The following SPIDR variants were observed in gnomAD, a reference collection of about 807,000 sequenced individuals.
SPIDR encodes the protein DNA repair-scaffolding protein.
A neutral mutation model predicts 104.6 loss-of-function variants in SPIDR; 93 were observed. The observed-to-expected ratio is 0.89, with a 90% confidence interval of 0.75 to 1.06. The LOEUF (loss-of-function observed/expected upper bound fraction) is 1.06. Ranked by LOEUF, SPIDR falls within the 50% of genes least tolerant of loss-of-function variation. SPIDR has a pLI of 0.00. For missense variants in SPIDR, 1,154 were observed against 1,111.2 expected, an observed-to-expected ratio of 1.04 and a Z score of -0.55; for synonymous variants, 431 against 416.9, an observed-to-expected ratio of 1.03 and a Z score of -0.41.
At chr8:47,624,104 A>G (rs2065600609) in intron 10 of SPIDR, among the ~76,000 whole-genome samples, 1 of 152,212 alleles carries the variant, frequency 6.6e-6, no homozygotes, top group African/African-American at 2.4e-5. Context: ...GCTCAACTAC[A>G]TGGAAACTGA....
Position 47,270,743 on chromosome 8 carries a change from A to G in SPIDR, c.34-9119A>G, listed in dbSNP as rs1166292529. 2.6e-5 allele frequency among the ~76,000 whole-genome samples: 4 copies of G among 152,220 alleles called. No homozygotes were observed. In the East Asian group the frequency reaches 7.7e-4, roughly 29 times the overall value. ...AGTAAGTACTGCTTTAGCTGCATCT[A>G]TAGGTTTTAGTGTATATTGTTTTCA... On this transcript the variant is annotated intron_variant, in intron 1 of 19. Coordinates refer to ENST00000297423, the MANE Select transcript of SPIDR (RefSeq NM_001080394.4).
intron 10 of SPIDR, among the ~76,000 whole-genome samples, chr8:47,647,647 A>AGAGC (rs2070728368): frequency 6.9e-6 from 1 of 144,658 alleles, no homozygotes; most frequent in Non-Finnish European, 1.5e-5. Flanking sequence ...AGAGAGAGAG[A>AGAGC]GAGAGAGGGA....
intron 3 of SPIDR, among the ~76,000 whole-genome samples, chr8:47,285,976 A>C (rs2038769297): frequency 6.6e-6 from 1 of 152,172 alleles, no homozygotes; most frequent in Non-Finnish European, 1.5e-5. Context: ...TCTTTACAGC[A>C]AGTGAAATGA....
At chr8:47,393,428 G>A (rs1307945053) in intron 5 of SPIDR, among the ~76,000 whole-genome samples, 3 of 152,016 alleles carry the variant, frequency 2.0e-5, no homozygotes, top group Non-Finnish European at 4.4e-5. Context: ...AATGTTGTTC[G>A]AATGGTCAAT....
intron 5 of SPIDR, among the ~76,000 whole-genome samples, chr8:47,311,272 AAG>A (rs1202850710): frequency 6.6e-6 from 1 of 152,190 alleles, no homozygotes; most frequent in African/African-American, 2.4e-5. Flanking sequence ...AAAAGTGAAA[AAG>A]AGATTTCAAA....
At chr8:47,697,307 G>T (rs1355760586) in intron 11 of SPIDR, among the ~76,000 whole-genome samples, 1 of 150,670 alleles carries the variant, frequency 6.6e-6, no homozygotes. Context: ...AAAGAAAAAA[G>T]ATAAAAACAA....
At chr8:47,321,696 A>G (rs975420635) in intron 5 of SPIDR, among the ~76,000 whole-genome samples, 19 of 152,304 alleles carry the variant, frequency 1.2e-4, no homozygotes, top group African/African-American at 4.6e-4. Flanking sequence ...TTCAAACTAT[A>G]CTACAAGGCT....
intron 17 of SPIDR, 175 bp from the exon 18 acceptor site, chr8:47,728,758 C>T: frequency 1.6e-6 from 1 of 642,068 alleles, no homozygotes; most frequent in Non-Finnish European, 2.6e-6. Flanking sequence ...AATGTTCATC[C>T]CTTGGACAGG....
chr8:47,404,414 A>G (rs554924038), intron 6 of SPIDR, among the ~76,000 whole-genome samples: 45 of 152,354 alleles, frequency 3.0e-4, no homozygotes, highest in Non-Finnish European at 2.8e-4. Flanking sequence ...TGAACAGGCA[A>G]CCTACAAAAT....
intron 8 of SPIDR, among the ~76,000 whole-genome samples, chr8:47,542,475 C>A (rs1265194318): frequency 2.0e-5 from 3 of 152,042 alleles, no homozygotes; most frequent in African/African-American, 7.2e-5. Context: ...GAATACCTGT[C>A]CCACTGGTTT....
chr8:47,534,770 C>G (rs2086626014), intron 8 of SPIDR, among the ~76,000 whole-genome samples: 1 of 151,546 alleles, frequency 6.6e-6, no homozygotes, highest in African/African-American at 2.4e-5. Context: ...CATGTACTCT[C>G]AAACCTAAAA....
chr8:47,541,924 C>T (rs1410678656), intron 8 of SPIDR, among the ~76,000 whole-genome samples: 1 of 152,080 alleles, frequency 6.6e-6, no homozygotes, highest in Admixed American at 6.6e-5. Context: ...GAATGAGACT[C>T]CATCTCAGAA....
intron 10 of SPIDR, among the ~76,000 whole-genome samples, chr8:47,614,441 C>T (rs1203148116): frequency 1.3e-5 from 2 of 152,100 alleles, no homozygotes; most frequent in African/African-American, 4.8e-5. Flanking sequence ...CCAGGATGGT[C>T]TTGATCTCCT....
At chr8:47,577,580 C>T (rs758870392) in intron 8 of SPIDR, among the ~76,000 whole-genome samples, 59 of 152,276 alleles carry the variant, frequency 3.9e-4, no homozygotes, top group Middle Eastern at 6.8e-3. Flanking sequence ...ATACAGTATT[C>T]GCAGGCATCC....
chr8:47,545,556 A>G (rs546604774), intron 8 of SPIDR, among the ~76,000 whole-genome samples: 64 of 152,204 alleles, frequency 4.2e-4, no homozygotes, highest in East Asian at 1.9e-4. Context: ...TAACTTCTCC[A>G]TAGGCAATCA....
At chr8:47,729,673 AT>A (rs2084888451) in intron 19 of SPIDR, 1 of 575,178 alleles carries the variant, frequency 1.7e-6, no homozygotes, top group Admixed American at 3.3e-5. Flanking sequence ...GTTATTTTAG[AT>A]CATTGTTGAG....
chr8:47,371,342 C>A (rs1376535133), intron 5 of SPIDR, among the ~76,000 whole-genome samples: 4 of 152,000 alleles, frequency 2.6e-5, no homozygotes, highest in Non-Finnish European at 5.9e-5. Context: ...AGGTTGGAGC[C>A]CACTGGTCAC....
intron 11 of SPIDR, among the ~76,000 whole-genome samples, chr8:47,694,710 C>T (rs969743973): frequency 6.6e-6 from 1 of 152,012 alleles, no homozygotes; most frequent in African/African-American, 2.4e-5. Flanking sequence ...GGTCACACCA[C>T]TGCACTCCAG....
chr8:47,339,340 C>T (rs535525090), intron 5 of SPIDR, among the ~76,000 whole-genome samples: 110 of 152,282 alleles, frequency 7.2e-4, no homozygotes, highest in African/African-American at 2.6e-3. Context: ...GGAGAACTAA[C>T]CTAACATGCT....
Sources: allele counts gnomAD v4.1 joint callset (sites outside exome capture counted in the v4.1 genomes callset), GRCh38; gene constraint gnomAD v4.1.1; transcripts MANE v1.5; gene names NCBI Gene and HGNC (gene_info 2026-07-23, HGNC 2026-07-21).